The following ESYT3 variants were observed in gnomAD, a reference collection of about 807,000 sequenced individuals.
The protein encoded by ESYT3 is extended synaptotagmin 3.
ESYT3 carries 101 observed loss-of-function variants against 111.5 expected under a neutral mutation model. The ratio of observed to expected loss-of-function variants is 0.91; its 90% confidence interval spans 0.77 to 1.07. The LOEUF is 1.07. ESYT3 is among the 50% of genes least tolerant of loss of function. The probability of loss-of-function intolerance (pLI) is 0.00; values close to 1 mark genes in which losing one functional copy is unlikely to be tolerated. For synonymous variants in ESYT3, 416 were observed against 446.8 expected (o/e 0.93, Z 0.87); for missense variants, 1,097 against 1,109.4 (o/e 0.99, Z 0.16).
intron 6 of ESYT3, 25 bp downstream of exon 6, chr3:138,460,059 C>T (rs771037756): frequency 3.7e-6 from 6 of 1,601,660 alleles, no homozygotes; most frequent in South Asian, 1.1e-5. Context: ...CTGCGGTAAG[C>T]CTGCTGCTCC....
chr3:138,462,350 C>G, intron 8 of ESYT3, 144 bp downstream of exon 8: 1 of 1,152,920 alleles, frequency 8.7e-7, no homozygotes, highest in Non-Finnish European at 1.2e-6. Flanking sequence ...TCGCCCACGT[C>G]ATAATTACTA....
intron 3 of ESYT3, among the ~76,000 whole-genome samples, chr3:138,456,797 C>T (rs1199126883): frequency 6.6e-6 from 1 of 152,160 alleles, no homozygotes; most frequent in East Asian, 1.9e-4. Context: ...GAAACTGGTC[C>T]CTGGTGGCAA....
Position 138,464,754 on chromosome 3 carries a change from G to C in ESYT3, c.1086+239G>C, listed in dbSNP as rs547704427. Among the ~76,000 whole-genome samples the C allele has an allele frequency of 3.9e-5, 6 of 152,280 alleles. 1 individual carries two copies. The South Asian group carries it at 1.2e-3, about 32-fold the overall frequency. On this transcript the variant is annotated intron_variant, in intron 9 of 22. Transcript: ENST00000389567. ...TTGTTAGAAGTTAACAAATCAAAGA[G>C]AAAGAGCCTTAGAGGCATTTCTGCT...
At chr3:138,481,001 T>A (rs1035311726), downstream of ESYT3, 1 of 152,156 alleles carries the variant, frequency 6.6e-6, no homozygotes, top group Non-Finnish European at 1.5e-5. Context: ...GACTTTTCAA[T>A]AAAAGGTGCT....
Position 138,469,433 on chromosome 3 carries a change from C to A in ESYT3, c.1435-3C>A. 6.2e-7 allele frequency: 1 copy of A among 1,613,176 alleles called. No homozygotes were observed. The highest frequency in any genetic ancestry group is 8.5e-7 in the Non-Finnish European group (1 of 1,179,188). On this transcript the variant is annotated splice_polypyrimidine_tract_variant and splice_region_variant and intron_variant, in intron 14 of 22. Coordinates refer to ENST00000389567, the MANE Select transcript of ESYT3 (RefSeq NM_031913.5). ...TCACTGTTATGGATTTGATTCCTCA[C>A]AGAACAAGGTCAGCAAAGACCCTTC...
In ESYT3 at chr3:138,440,943, AG is replaced by A. The variant is rs1338189073; in HGVS notation, c.327+5819del. ...CCTGCCCTTGAGGAACCCATGAGCT[AG>A]ATGGAGATTCAGACCTGCAAGGGCA... On this transcript the variant is annotated intron_variant, in intron 1 of 22. Transcript: ENST00000389567. This position sits in a 1 kb window ranked among gnomAD's most constrained non-coding sequence, Gnocchi z 4.2. Among the ~76,000 whole-genome samples the A allele has an allele frequency of 2.0e-5, 3 of 152,228 alleles. No individual in the cohort carries two copies. Among genetic ancestry groups the A allele is most frequent in the African/African-American group, 7.2e-5 (3 of 41,452 alleles).
intron 1 of ESYT3, among the ~76,000 whole-genome samples, chr3:138,449,199 C>T (rs1560217322): frequency 6.6e-6 from 1 of 150,950 alleles, no homozygotes; most frequent in African/African-American, 2.4e-5. Context: ...ATTCTTCTGC[C>T]TCAGCCTCCT....
intron 8 of ESYT3, among the ~76,000 whole-genome samples, 163 bp from the exon 9 acceptor site, chr3:138,464,182 G>T (rs556316517): frequency 3.9e-5 from 6 of 152,328 alleles, no homozygotes; most frequent in Admixed American, 3.3e-4. Flanking sequence ...TTGCTGTGTG[G>T]CCTTGGCCAG....
chr3:138,446,076 G>A (rs1254254911), intron 1 of ESYT3, among the ~76,000 whole-genome samples: 3 of 152,154 alleles, frequency 2.0e-5, no homozygotes, highest in Non-Finnish European at 2.9e-5. Context: ...TTGTAAAAGG[G>A]GAATAATGAT....
intron 22 of ESYT3, 137 bp from the exon 23 acceptor site, chr3:138,476,680 AC>A: frequency 9.3e-7 from 1 of 1,077,316 alleles, no homozygotes. Context: ...TTAACCCTGA[AC>A]CCTGGCTGGC....
intron 17 of ESYT3, among the ~76,000 whole-genome samples, chr3:138,471,730 C>T (rs1358001466): frequency 6.6e-6 from 1 of 152,160 alleles, no homozygotes; most frequent in Non-Finnish European, 1.5e-5. Flanking sequence ...TCTGCTTTTG[C>T]TGCAGCTCAG....
chr3:138,448,882 G>T (rs1358708074), intron 1 of ESYT3, among the ~76,000 whole-genome samples: 1 of 152,138 alleles, frequency 6.6e-6, no homozygotes, highest in Non-Finnish European at 1.5e-5. Context: ...AGGGGCTTCA[G>T]GTCCCTAGGC....
rs574983551 is a variant in ESYT3, at chr3:138,461,768, T to C, written c.795-318T>C. Among the ~76,000 whole-genome samples, 5 of 152,116 alleles carry C rather than the reference T, an allele frequency of 3.3e-5. No homozygotes were observed. The South Asian group carries it at 1.0e-3, about 32-fold the overall frequency. The stretch of plus-strand genomic sequence containing the variant: ...TTGCCAAGGCTACACAGCTAGTCGA[T>C]GGTGGAGCTGAGATTCTAACACAGG... On this transcript the variant is annotated intron_variant, in intron 7 of 22. Coordinates refer to ENST00000389567, the MANE Select transcript of ESYT3 (RefSeq NM_031913.5).
intron 1 of ESYT3, among the ~76,000 whole-genome samples, chr3:138,450,593 A>T (rs1229042236): frequency 1.3e-5 from 2 of 152,164 alleles, no homozygotes; most frequent in African/African-American, 2.4e-5. Flanking sequence ...CCCAAGAGAG[A>T]ATGGGAGAAT....
intron 20 of ESYT3, among the ~76,000 whole-genome samples, chr3:138,475,877 G>C (rs2033457065): frequency 6.6e-6 from 1 of 152,212 alleles, no homozygotes; most frequent in African/African-American, 2.4e-5. Flanking sequence ...GGTGAGCCAA[G>C]ATCGCGCCAT....
chr3:138,473,026 A>C (rs1394634522), intron 18 of ESYT3, 167 bp downstream of exon 18: 1 of 1,461,654 alleles, frequency 6.8e-7, no homozygotes, highest in East Asian at 2.4e-5. Flanking sequence ...CAAGGGAGAG[A>C]GAGCCAAACA....
intron 1 of ESYT3, among the ~76,000 whole-genome samples, chr3:138,446,662 G>C (rs1236596349): frequency 6.6e-6 from 1 of 152,194 alleles, no homozygotes; most frequent in Non-Finnish European, 1.5e-5. Flanking sequence ...GGCTGAGGCA[G>C]GTGGATGGTT....
chr3:138,455,391 C>A (rs978654087), intron 3 of ESYT3, 63 bp downstream of exon 3: 2 of 1,582,342 alleles, frequency 1.3e-6, no homozygotes, highest in Non-Finnish European at 1.7e-6. Flanking sequence ...GTTCCCTCTC[C>A]TCCCACCTTT....
chr3:138,438,090 C>T (rs184375676), intron 1 of ESYT3, among the ~76,000 whole-genome samples: 3 of 152,258 alleles, frequency 2.0e-5, no homozygotes, highest in East Asian at 1.9e-4. Flanking sequence ...GGGCTCTGGG[C>T]GTGGTGGGGG....
Sources: allele counts gnomAD v4.1 joint callset (sites outside exome capture counted in the v4.1 genomes callset), GRCh38; gene constraint gnomAD v4.1.1; non-coding constraint Gnocchi (gnomAD v3.1); transcripts MANE v1.5; gene names NCBI Gene and HGNC (gene_info 2026-07-23, HGNC 2026-07-21).